PDK1: variants seen among roughly 807,000 people sequenced by gnomAD.
PDK1 encodes [Pyruvate dehydrogenase (acetyl-transferring)] kinase isozyme 1, mitochondrial.
Under a neutral mutation model 54.2 loss-of-function variants are expected in PDK1, and 39 were observed. The ratio of observed to expected loss-of-function variants is 0.72; its 90% CI spans 0.56 to 0.94. PDK1 has a LOEUF of 0.94. PDK1 is among the 40% of genes least tolerant of loss of function. The pLI is 0.00. For missense variants in PDK1, 552 were observed against 566.0 expected, an observed-to-expected ratio of 0.98 and a Z score of 0.25; for synonymous variants, 221 against 207.1, an observed-to-expected ratio of 1.07 and a Z score of -0.58.
the PDK1 span, among the ~76,000 whole-genome samples, chr2:172,616,358 C>T: frequency 3.3e-5 from 5 of 152,198 alleles, no homozygotes; most frequent in South Asian, 2.1e-4. Flanking sequence ...ATTTATCCAG[C>T]GAAATACAGC....
At chr2:172,676,154 T>C in the PDK1 span, among the ~76,000 whole-genome samples, 1 of 152,126 alleles carries the variant, frequency 6.6e-6, no homozygotes, top group African/African-American at 2.4e-5. Context: ...ACTCAAGGGC[T>C]CTAAGGGAGA....
chr2:172,687,689 G>T, the PDK1 span, among the ~76,000 whole-genome samples: 18 of 152,224 alleles, frequency 1.2e-4, no homozygotes, highest in African/African-American at 3.1e-4. Context: ...TCTCAGGCTG[G>T]GGTTGCTATA....
At chr2:172,562,143 G>A (rs1688685818) in intron 2 of PDK1, 77 bp from the exon 3 acceptor site, 2 of 774,208 alleles carry the variant, frequency 2.6e-6, no homozygotes, top group African/African-American at 3.5e-5. Flanking sequence ...GCTAAAAATA[G>A]CTTTTGAGCT....
chr2:172,634,287 T>TATTATTATTATTATTA, the PDK1 span, among the ~76,000 whole-genome samples: 3 of 149,468 alleles, frequency 2.0e-5, no homozygotes, highest in South Asian at 2.1e-4. Context: ...TTATTATTAT[T>TATTATTATTATTATTA]TTGGAGACCG....
the PDK1 span, among the ~76,000 whole-genome samples, chr2:172,631,188 A>G: frequency 2.0e-5 from 3 of 152,232 alleles, no homozygotes; most frequent in Non-Finnish European, 4.4e-5. Flanking sequence ...TCAAATAACA[A>G]ATTACCACAT....
At chr2:172,557,011 T>G (rs1688370366) in intron 1 of PDK1, among the ~76,000 whole-genome samples, 1 of 152,200 alleles carries the variant, frequency 6.6e-6, no homozygotes, top group Non-Finnish European at 1.5e-5. Flanking sequence ...AACTTTTACA[T>G]CCCACTTCCC....
At chr2:172,636,162 A>G in the PDK1 span, among the ~76,000 whole-genome samples, 1 of 152,224 alleles carries the variant, frequency 6.6e-6, no homozygotes, top group Non-Finnish European at 1.5e-5. Context: ...CAGAAGGTCT[A>G]TGTCTTCATC....
chr2:172,642,398 A>G, the PDK1 span, among the ~76,000 whole-genome samples: 1 of 152,138 alleles, frequency 6.6e-6, no homozygotes, highest in African/African-American at 2.4e-5. Context: ...AGCTGTGAGT[A>G]TGGTGTAGGA....
the PDK1 span, among the ~76,000 whole-genome samples, chr2:172,616,174 A>C: frequency 6.6e-6 from 1 of 152,158 alleles, no homozygotes; most frequent in East Asian, 1.9e-4. Flanking sequence ...TTGTAAAATC[A>C]CTTTCAAAAC....
At chr2:172,622,863 TATA>T in the PDK1 span, among the ~76,000 whole-genome samples, 12 of 141,766 alleles carry the variant, frequency 8.5e-5, no homozygotes, top group South Asian at 2.1e-4. Context: ...TTATATGTAA[TATA>T]ATATGATATA....
chr2:172,565,916 T>G (rs994979378), intron 5 of PDK1, among the ~76,000 whole-genome samples: 2 of 152,256 alleles, frequency 1.3e-5, no homozygotes, highest in African/African-American at 4.8e-5. Flanking sequence ...ACACTTAGGT[T>G]GTTTTAATTT....
chr2:172,663,665 G>A, the PDK1 span, among the ~76,000 whole-genome samples: 1 of 152,180 alleles, frequency 6.6e-6, no homozygotes, highest in Non-Finnish European at 1.5e-5. Context: ...CACTGCATTT[G>A]CAGCAGGGAG....
At chr2:172,720,427 A>G in the PDK1 span, among the ~76,000 whole-genome samples, 4 of 152,050 alleles carry the variant, frequency 2.6e-5, no homozygotes, top group African/African-American at 9.7e-5. Context: ...GATTTTCTCA[A>G]TGTTGCTGCT....
chr2:172,583,447 T>C (rs986212693), intron 8 of PDK1, among the ~76,000 whole-genome samples: 23 of 151,964 alleles, frequency 1.5e-4, no homozygotes, highest in Admixed American at 1.0e-3. Flanking sequence ...GCGTGCACCA[T>C]GACGCCTGAC....
At chr2:172,634,419 C>T in the PDK1 span, among the ~76,000 whole-genome samples, 4 of 151,712 alleles carry the variant, frequency 2.6e-5, no homozygotes, top group South Asian at 2.1e-4. Flanking sequence ...ATTACAGGTG[C>T]GCACCATCAT....
At chr2:172,667,962 C>G in the PDK1 span, among the ~76,000 whole-genome samples, 2 of 152,210 alleles carry the variant, frequency 1.3e-5, no homozygotes, top group African/African-American at 2.4e-5. Flanking sequence ...TTTGCCAGAG[C>G]AAAAGTCTAT....
At chr2:172,625,724 A>ACATTG in the PDK1 span, among the ~76,000 whole-genome samples, 1 of 152,112 alleles carries the variant, frequency 6.6e-6, no homozygotes, top group Non-Finnish European at 1.5e-5. Flanking sequence ...CACCTTATTT[A>ACATTG]CATTGCTTGT....
the PDK1 span, among the ~76,000 whole-genome samples, chr2:172,718,222 G>A: frequency 3.3e-5 from 5 of 152,156 alleles, no homozygotes; most frequent in Admixed American, 1.3e-4. Context: ...TAGGTAACAG[G>A]TTAGTTTGAG....
the PDK1 span, among the ~76,000 whole-genome samples, chr2:172,697,094 A>G: frequency 6.6e-6 from 1 of 152,086 alleles, no homozygotes; most frequent in Admixed American, 6.5e-5. Flanking sequence ...ATATTTCCCA[A>G]CTTATCCTTG....
Sources: allele counts gnomAD v4.1 joint callset (sites outside exome capture counted in the v4.1 genomes callset), GRCh38; gene constraint gnomAD v4.1.1; transcripts MANE v1.5; gene names NCBI Gene and HGNC (gene_info 2026-07-23, HGNC 2026-07-21).